Variants in NHS observed in about 807,000 individuals in gnomAD.
The protein encoded by NHS is NHS actin remodeling regulator.
A neutral mutation model predicts 72.5 loss-of-function variants in NHS; 5 were observed. The observed-to-expected ratio is 0.07, with a 90% CI of 0.04 to 0.14. The LOEUF is 0.14. Ranked by LOEUF, NHS falls within the 10% of genes least tolerant of loss-of-function variation. The pLI is 1.00. For synonymous variants in NHS, 464 were observed against 547.7 expected (o/e 0.85, Z 2.13); for missense variants, 1,072 against 1,355.7 (o/e 0.79, Z 3.29).
intron 3 of NHS, among the ~76,000 whole-genome samples, chrX:17,702,821 T>C (rs2066273522): frequency 8.9e-6 from 1 of 112,090 alleles, no homozygotes; most frequent in Non-Finnish European, 1.9e-5. Flanking sequence ...TTTATACAAT[T>C]CCTATATTAC....
In NHS at chrX:17,725,754, A is replaced by G. The variant is rs2066437967; in HGVS notation, c.1648A>G (p.Ser550Gly). The G allele has an allele frequency of 8.3e-7, 1 of 1,209,196 alleles. No individual in the cohort carries two copies. Among genetic ancestry groups the G allele is most frequent in the Admixed American group, 2.2e-5 (1 of 45,689 alleles). ...CCCTAATGATTTCAGTGAGGCTCCA[A>G]GCAGCCCGAGTGCCCAGGACCACCA... ...RTPNDFSEAPSSPSAQDHQPT... is the reference protein window; with the variant it reads ...RTPNDFSEAPGSPSAQDHQPT... The change falls in exon 7 of 9, where the codon AGC (serine) becomes GGC (glycine). Residue 550 changes from serine (S) to glycine (G), a missense_variant. Transcript: ENST00000676302.
intron 1 of NHS, among the ~76,000 whole-genome samples, chrX:17,677,478 G>C (rs1239714998): frequency 9.0e-6 from 1 of 110,937 alleles, no homozygotes; most frequent in South Asian, 3.8e-4. Context: ...ATGCCAGTCT[G>C]CTCCCCATCC....
chrX:17,430,251 C>CCTTTCTTTT (rs2064683047), intron 1 of NHS, among the ~76,000 whole-genome samples: 1 of 65,513 alleles, frequency 1.5e-5, no homozygotes, highest in African/African-American at 5.7e-5. Flanking sequence ...CCTCCCTCCC[C>CCTTTCTTTT]TCTTTCTTTT....
In NHS at chrX:17,375,543, A is replaced by G. The variant is rs1193755597; in HGVS notation, c.-215A>G. On this transcript the variant is annotated 5_prime_UTR_variant, in exon 1 of 9. Transcript: ENST00000676302. The stretch of plus-strand genomic sequence containing the variant: ...GAGCGCTTGTCATCCTCCCCAGGGA[A>G]CGGTGCACCCAAAGGAGGACTGGCT... The G allele has an allele frequency of 1.7e-5, 7 of 417,409 alleles. No homozygotes were observed. The East Asian group carries it at 2.8e-4, about 17-fold the overall frequency. The allele number at this position is 417,409 out of a possible 1,213,427, so 34.4% of individuals were successfully genotyped here. A position where few individuals can be genotyped will look rare whatever the true frequency, so the allele number is the denominator to read the frequency against.
At chrX:17,409,374 G>GTTT (rs61181196) in intron 1 of NHS, among the ~76,000 whole-genome samples, 2 of 97,243 alleles carry the variant, frequency 2.1e-5, no homozygotes, top group African/African-American at 7.5e-5. Context: ...CTTCCATTAT[G>GTTT]TTTTTTTTTT....
intron 1 of NHS, among the ~76,000 whole-genome samples, chrX:17,553,533 C>T (rs1419334567): frequency 1.8e-5 from 2 of 112,468 alleles, no homozygotes; most frequent in Non-Finnish European, 3.8e-5. Flanking sequence ...ACACAGGAAG[C>T]ATTTGTCATG....
intron 1 of NHS, among the ~76,000 whole-genome samples, chrX:17,616,120 GTAAAGA>G (rs2065745488): frequency 1.8e-5 from 2 of 112,222 alleles, no homozygotes; most frequent in African/African-American, 6.5e-5. Flanking sequence ...TGTATCAAAG[GTAAAGA>G]AAGATTAGCA....
intron 5 of NHS, among the ~76,000 whole-genome samples, chrX:17,723,770 T>TGTGCGCGCGC (rs541219770): frequency 1.9e-4 from 17 of 91,319 alleles, no homozygotes; most frequent in African/African-American, 7.6e-4. Flanking sequence ...TGTGTGTGTG[T>TGTGCGCGCGC]GCGCGCGCGT....
intron 1 of NHS, among the ~76,000 whole-genome samples, chrX:17,622,669 G>A (rs1417442301): frequency 8.9e-6 from 1 of 112,005 alleles, no homozygotes; most frequent in Non-Finnish European, 1.9e-5. Flanking sequence ...AGCAAGCCAT[G>A]ACCAGAAATG....
At chrX:17,613,970 C>T (rs2065723962) in intron 1 of NHS, among the ~76,000 whole-genome samples, 1 of 112,186 alleles carries the variant, frequency 8.9e-6, no homozygotes, top group Non-Finnish European at 1.9e-5. Context: ...TGCTAGTAGA[C>T]CCATTTTGCT....
intron 1 of NHS, among the ~76,000 whole-genome samples, chrX:17,409,990 T>C (rs2064549681): frequency 8.9e-6 from 1 of 111,792 alleles, no homozygotes; most frequent in African/African-American, 3.3e-5. Flanking sequence ...AGCTCTAACA[T>C]CCAGGATTTC....
intron 1 of NHS, among the ~76,000 whole-genome samples, chrX:17,434,441 ATTTTTTTT>A (rs1166011488): frequency 4.4e-5 from 4 of 91,901 alleles, no homozygotes; most frequent in African/African-American, 1.3e-4. Context: ...CATTCAAACA[ATTTTTTTT>A]TTTTTTTTTT....
intron 1 of NHS, among the ~76,000 whole-genome samples, chrX:17,459,030 G>A (rs2064836771): frequency 8.9e-6 from 1 of 112,601 alleles, no homozygotes; most frequent in African/African-American, 3.2e-5. Context: ...ATTTCTCCGG[G>A]AGGTCCCCAT....
chrX:17,621,053 C>T (rs962982361), intron 1 of NHS, among the ~76,000 whole-genome samples: 1 of 112,376 alleles, frequency 8.9e-6, no homozygotes, highest in Admixed American at 9.4e-5. Flanking sequence ...AGGAAGAATA[C>T]TCTGCTGCTC....
intron 1 of NHS, among the ~76,000 whole-genome samples, chrX:17,382,554 C>T (rs1459044896): frequency 8.9e-6 from 1 of 112,214 alleles, no homozygotes; most frequent in Non-Finnish European, 1.9e-5. Flanking sequence ...TCATTTAGAT[C>T]CATGTTTCAT....
At chrX:17,674,189 A>T (rs912928338) in intron 1 of NHS, among the ~76,000 whole-genome samples, 4 of 111,554 alleles carry the variant, frequency 3.6e-5, no homozygotes, top group African/African-American at 1.3e-4. Context: ...GCACCATGCC[A>T]GCCAGCACCG....
At chrX:17,510,318 G>C (rs956751006) in intron 1 of NHS, among the ~76,000 whole-genome samples, 3 of 111,944 alleles carry the variant, frequency 2.7e-5, no homozygotes, top group African/African-American at 9.7e-5. Context: ...CCCTTGGAGG[G>C]CTGAGCCCAC....
At chrX:17,391,415 T>C (rs1381856807) in intron 1 of NHS, among the ~76,000 whole-genome samples, 2 of 111,856 alleles carry the variant, frequency 1.8e-5, no homozygotes, top group African/African-American at 6.5e-5. Flanking sequence ...AAGTGATTAA[T>C]CCATGGACAG....
intron 1 of NHS, among the ~76,000 whole-genome samples, chrX:17,578,954 G>A (rs1429687956): frequency 8.9e-6 from 1 of 111,764 alleles, no homozygotes; most frequent in Non-Finnish European, 1.9e-5. Context: ...GTGTGTGAGT[G>A]TGTGTGTATG....
Sources: allele counts gnomAD v4.1 joint callset (sites outside exome capture counted in the v4.1 genomes callset), GRCh38; gene constraint gnomAD v4.1.1; transcripts MANE v1.5; gene names NCBI Gene and HGNC (gene_info 2026-07-23, HGNC 2026-07-21).